Variants in C6orf62 observed in about 807,000 individuals in gnomAD.
The protein encoded by C6orf62 is uncharacterized protein C6orf62.
C6orf62 carries 16 observed loss-of-function variants against 26.8 expected under a neutral mutation model. The observed-to-expected ratio is 0.60, with a 90% CI of 0.40 to 0.91. The LOEUF (loss-of-function observed/expected upper bound fraction) is 0.91. Among genes scored for constraint, C6orf62 ranks in the 40% least tolerant of loss-of-function variants. The pLI, the probability that C6orf62 is intolerant of heterozygous loss-of-function variation, is 0.00. For synonymous variants in C6orf62, 112 were observed against 91.5 expected (o/e 1.22, Z -1.28); for missense variants, 192 against 271.4 (o/e 0.71, Z 2.06).
At chr6:24,709,414 GA>G (rs200191631) in intron 3 of C6orf62, 6,312 of 772,746 alleles carry the variant, frequency 8.2e-3, no homozygotes, top group East Asian at 0.012. Context: ...CTGTTTCTAA[GA>G]AAAAAAAAAA....
At chr6:24,714,760 T>C (rs1038449697) in intron 2 of C6orf62, among the ~76,000 whole-genome samples, 1 of 152,056 alleles carries the variant, frequency 6.6e-6, no homozygotes, top group Non-Finnish European at 1.5e-5. Context: ...GGATTACAAG[T>C]GTGTGCCACC....
chr6:24,718,549 G>C lies in C6orf62; in HGVS notation c.120C>G (p.Phe40Leu), dbSNP rs772288076. ...FDFKMYIAFV[F>L]KEKKKKSALF... ...AAGAACTTTAAATTACCTTCTCCTT[G>C]AATACAAAGGCAATATACATCTTGA... is the stretch of plus-strand genomic sequence containing the variant. The change falls in exon 1 of 5, where the codon TTC becomes TTG. Residue 40 changes from phenylalanine to leucine, a missense_variant. Transcript: ENST00000378119. 4 of 1,604,460 alleles carry C rather than the reference G, an allele frequency of 2.5e-6. No homozygotes were observed. Among genetic ancestry groups the C allele is most frequent in the Admixed American group, 3.4e-5 (2 of 58,338 alleles).
chr6:24,709,121 C>A, intron 3 of C6orf62: 1 of 975,084 alleles, frequency 1.0e-6, no homozygotes, highest in Non-Finnish European at 1.2e-6. Context: ...TTCAGTAGCA[C>A]TAGCCACATT....
chr6:24,716,319 T>C lies in C6orf62; in HGVS notation c.135A>G (p.Lys45=), dbSNP rs1455603125. ...YIAFVFKEKK[K]KSALFEVSEV... ...CAGACACTTCAAAAAGTGCTGACTTTTTCTTCTAGAAGAAAAGAAAATGGT... is the reference window on the plus strand; with the variant it reads ...CAGACACTTCAAAAAGTGCTGACTTCTTCTTCTAGAAGAAAAGAAAATGGT... The change falls in exon 2 of 5, where the codon AAA becomes AAG. Residue 45 remains lysine (K), a synonymous_variant. Coordinates refer to ENST00000378119, the MANE Select transcript of C6orf62 (RefSeq NM_030939.5). The C allele has an allele frequency of 8.1e-6, 13 of 1,613,028 alleles. No homozygotes were observed. The highest frequency in any genetic ancestry group is 1.1e-5 in the South Asian group (1 of 91,054).
intron 3 of C6orf62, among the ~76,000 whole-genome samples, chr6:24,712,494 A>T (rs960510625): frequency 6.6e-6 from 1 of 151,574 alleles, no homozygotes; most frequent in Non-Finnish European, 1.5e-5. Flanking sequence ...CATGGTGAAA[A>T]CCCGTCTCTA....
chr6:24,706,392 C>T, intron 4 of C6orf62, 130 bp from the exon 5 acceptor site: 2 of 1,346,776 alleles, frequency 1.5e-6, no homozygotes, highest in Non-Finnish European at 2.0e-6. Context: ...AGTCCCTATC[C>T]ATATTCTAGA....
Position 24,718,526 on chromosome 6 carries a change from G to C in C6orf62, c.129+14C>G. On this transcript the variant is annotated intron_variant, in intron 1 of 4. Transcript: ENST00000378119. ...ATTACTTGTGCTAATTCACCATTAAGAACTTTAAATTACCTTCTCCTTGAA... is the reference window on the plus strand; with the variant it reads ...ATTACTTGTGCTAATTCACCATTAACAACTTTAAATTACCTTCTCCTTGAA... The C allele has an allele frequency of 3.1e-6, 5 of 1,588,166 alleles. No individual in the cohort carries two copies. The highest frequency in any genetic ancestry group is 4.3e-6 in the Non-Finnish European group (5 of 1,162,370).
chr6:24,718,413 G>C lies in C6orf62; in HGVS notation c.129+127C>G, dbSNP rs993689368. Reference sequence around the variant, plus strand: ...AATCACCCCTAAGGGTGAAAAAACAGAGCATACAAAGCAGACTTTTTTTCA... The same window carrying C: ...AATCACCCCTAAGGGTGAAAAAACACAGCATACAAAGCAGACTTTTTTTCA... On this transcript the variant is annotated intron_variant, in intron 1 of 4. Coordinates refer to ENST00000378119, the MANE Select transcript of C6orf62 (RefSeq NM_030939.5). The C allele has an allele frequency of 1.7e-5, 15 of 904,404 alleles. 1 individual carries two copies. The highest frequency in any genetic ancestry group is 1.2e-4 in the South Asian group (7 of 56,110). The allele number at this position is 904,404 out of a possible 1,614,324, so 56.0% of individuals were successfully genotyped here.
upstream of C6orf62, chr6:24,720,504 A>G: frequency 2.0e-6 from 1 of 506,192 alleles, no homozygotes. Context: ...CAACAGGGAG[A>G]GAAAAAGAAA....
At position 24,719,099 on chromosome 6, in the gene C6orf62, CCCT is replaced by C; in HGVS notation, c.-434_-432del. The C allele has an allele frequency of 1.0e-6, 1 of 990,316 alleles. No individual in the cohort carries two copies. Among genetic ancestry groups the C allele is most frequent in the East Asian group, 1.1e-4 (1 of 8,862 alleles). The allele number at this position is 990,316 out of a possible 1,614,324, so 61.3% of individuals were successfully genotyped here. Reference sequence around the variant, plus strand: ...CCCTAAAATCCATCCGGATTTTCCCCCCTTTTTAGAAAAGGGATTAAGGAACAG... The same window carrying C: ...CCCTAAAATCCATCCGGATTTTCCCCTTTTAGAAAAGGGATTAAGGAACAG... On this transcript the variant is annotated 5_prime_UTR_variant, in exon 1 of 5. Transcript: ENST00000378119.
At chr6:24,720,517 G>A (rs1458341068), upstream of C6orf62, 2 of 456,150 alleles carry the variant, frequency 4.4e-6, no homozygotes, top group South Asian at 1.8e-4. Flanking sequence ...AAAAGAAAAA[G>A]AGGAAAAACA....
At position 24,705,570 on chromosome 6, in the gene C6orf62, A is replaced by C. The variant is rs926866493; in HGVS notation, c.*567T>G. 1.3e-5 allele frequency: 2 copies of C among 152,650 alleles called. No homozygotes were observed. Among genetic ancestry groups the C allele is most frequent in the African/African-American group, 2.4e-5 (1 of 41,428 alleles). 9.5% of individuals were successfully genotyped at this position (152,650 alleles called of 1,614,324 possible). A position where few individuals can be genotyped will look rare whatever the true frequency, so the allele number is the denominator to read the frequency against. ...TGGCCCAGTAAAATATGAGGCAAAAATGCCTACAATGAGATGCGTTTTTCA... is the reference window on the plus strand; with the variant it reads ...TGGCCCAGTAAAATATGAGGCAAAACTGCCTACAATGAGATGCGTTTTTCA... On this transcript the variant is annotated 3_prime_UTR_variant, in exon 5 of 5. Transcript: ENST00000378119.
upstream of C6orf62, chr6:24,720,258 CG>C (rs1779328389): frequency 7.7e-7 from 1 of 1,290,926 alleles, no homozygotes; most frequent in South Asian, 2.5e-5. Context: ...CCGCAGCCTG[CG>C]GGCGGAGCGG....
intron 3 of C6orf62, chr6:24,709,465 AG>A (rs1779078354): frequency 1.0e-6 from 1 of 977,972 alleles, no homozygotes. Context: ...ACAACTCACT[AG>A]TTACGTGACC....
chr6:24,713,401 G>A (rs1030268438), intron 3 of C6orf62, among the ~76,000 whole-genome samples: 20 of 152,222 alleles, frequency 1.3e-4, no homozygotes, highest in East Asian at 7.7e-4. Context: ...ACCATGGGGC[G>A]GGAGAGTATA....
At position 24,706,268 on chromosome 6, in the gene C6orf62, A is replaced by C. The variant is rs201218708; in HGVS notation, c.565-6T>G. 1.2e-6 allele frequency: 2 copies of C among 1,613,728 alleles called. No homozygotes were observed. Among genetic ancestry groups the C allele is most frequent in the Admixed American group, 1.7e-5 (1 of 59,938 alleles). On this transcript the variant is annotated splice_region_variant and splice_polypyrimidine_tract_variant and intron_variant, in intron 4 of 4. Transcript: ENST00000378119. ...GTAGCTTTGTTTTTTGGAGTCTGGA[A>C]GGGGAAAACATTTTAATATTTTTTA...
At chr6:24,719,732 C>T, upstream of C6orf62, 1 of 1,529,182 alleles carries the variant, frequency 6.5e-7, no homozygotes, top group South Asian at 1.2e-5. Context: ...GATTTATCTT[C>T]TTGTGAGCAT....
intron 1 of C6orf62, among the ~76,000 whole-genome samples, chr6:24,718,316 A>G (rs1779275551): frequency 1.3e-5 from 2 of 152,204 alleles, no homozygotes; most frequent in South Asian, 4.1e-4. Context: ...ACTAAGCTTC[A>G]GACTCAAATT....
At chr6:24,710,566 A>C in intron 3 of C6orf62, 1 of 984,676 alleles carries the variant, frequency 1.0e-6, no homozygotes, top group South Asian at 4.7e-5. Flanking sequence ...GCCCGGCCCA[A>C]ATTGGGTTCT....
Sources: gnomAD v4.1 joint callset for allele counts (sites outside exome capture counted in the v4.1 genomes callset) on GRCh38, gnomAD v4.1.1 for gene constraint, MANE v1.5 for transcripts, NCBI Gene and HGNC (gene_info 2026-07-23, HGNC 2026-07-21) for gene names.